The following CARD10 variants were observed in gnomAD, a reference collection of about 807,000 sequenced individuals.
CARD10 encodes caspase recruitment domain family member 10.
Under a neutral mutation model 114.6 loss-of-function variants are expected in CARD10, and 49 were observed. That is an observed-to-expected ratio of 0.43 (90% confidence interval 0.34 to 0.54). The LOEUF (loss-of-function observed/expected upper bound fraction) is 0.54, where lower values mean the gene tolerates loss of function less well. Ranked by LOEUF, CARD10 falls within the 20% of genes least tolerant of loss-of-function variation. The probability of loss-of-function intolerance (pLI) is 0.03; values close to 1 mark genes in which losing one functional copy is unlikely to be tolerated. For missense variants in CARD10, 1,206 were observed against 1,397.2 expected (o/e 0.86, Z 2.18); for synonymous variants, 602 against 593.2 (o/e 1.01, Z -0.21).
At position 37,497,066 on chromosome 22, in the gene CARD10, G is replaced by C; in HGVS notation, c.1900C>G (p.Arg634Gly). 1 of 1,614,068 alleles carries C rather than the reference G, an allele frequency of 6.2e-7. No homozygotes were observed. Among genetic ancestry groups the C allele is most frequent in the Middle Eastern group, 1.7e-4 (1 of 6,058 alleles). Residue 634 changes from arginine (R) to glycine (G), a missense_variant, in exon 12 of 20, where the codon CGC (arginine) becomes GGC (glycine). Around this residue, in one of 2 missense-constraint regions of CARD10, gnomAD observed 1,068 missense variants for 1,179.1 expected, o/e 0.91. Coordinates refer to ENST00000251973, the MANE Select transcript of CARD10 (RefSeq NM_014550.4). Reference sequence around the variant, plus strand: ...GACCCAGGCCCAGACAGCACCCTGCGCACCACAGCCCCAGACCATCTGTCC... The same window carrying C: ...GACCCAGGCCCAGACAGCACCCTGCCCACCACAGCCCCAGACCATCTGTCC... ...YGDRWSGAVV[R>G]RVLSGPGSAR...
Position 37,494,262 on chromosome 22 carries a change from C to T in CARD10, c.2374-74G>A, listed in dbSNP as rs1027628414. 26 of 1,042,862 alleles carry T rather than the reference C, an allele frequency of 2.5e-5. No homozygotes were observed. In the African/African-American group the frequency reaches 4.2e-4, roughly 17 times the overall value. The allele number at this position is 1,042,862 out of a possible 1,614,324, so 64.6% of individuals were successfully genotyped here. On this transcript the variant is annotated intron_variant, in intron 15 of 19. Transcript: ENST00000251973. ...CCTCAGGGAGAGGAGGAAACGGGAC[C>T]CCTGGCACAGCGGGCCCCACTGCCA...
rs774971239 is a variant in CARD10 at position 37,519,145 on chromosome 22, C to T, written c.56G>A (p.Gly19Glu). 2 of 1,546,780 alleles carry T rather than the reference C, an allele frequency of 1.3e-6. No homozygotes were observed. Among genetic ancestry groups the T allele is most frequent in the South Asian group, 1.2e-5 (1 of 84,936 alleles). ...EAEEEAGAGS[G>E]SEAEEDALWE... The stretch of plus-strand genomic sequence containing the variant: ...CAGCGCGTCCTCCTCCGCCTCAGAC[C>T]CCGAGCCGGCCCCGGCCTCCTCCTC... The change falls in exon 1 of 20, where the codon GGG becomes GAG. Residue 19 changes from glycine to glutamate, a missense_variant. Physicochemically the swap from Gly to Glu is moderately conservative, Grantham distance 98 (BLOSUM62 -2). Coordinates refer to ENST00000251973, the MANE Select transcript of CARD10 (RefSeq NM_014550.4). This position sits in a 1 kb window ranked among gnomAD's most constrained non-coding sequence, Gnocchi z 4.1.
Position 37,491,440 on chromosome 22 carries a change from G to A in CARD10, c.2865-47C>T, listed in dbSNP as rs190927413. The A allele has an allele frequency of 1.2e-5, 16 of 1,335,464 alleles. No homozygotes were observed. In the Admixed American group the frequency reaches 3.8e-4, roughly 31 times the overall value. 82.7% of individuals were successfully genotyped at this position (1,335,464 alleles called of 1,614,324 possible). On this transcript the variant is annotated intron_variant, in intron 19 of 19. Transcript: ENST00000251973. ...GCGGTCAAAGTGGGGGACCAAGACAGACAGAGAGACAGGGAGAGAGGGACA... is the reference window on the plus strand; with the variant it reads ...GCGGTCAAAGTGGGGGACCAAGACAAACAGAGAGACAGGGAGAGAGGGACA...
rs769584445 is a variant in CARD10, at chr22:37,491,806, T to C, written c.2813A>G (p.Tyr938Cys). Residue 938 changes from tyrosine (Y) to cysteine (C), a missense_variant, in exon 19 of 20, where the codon TAC becomes TGC. By Grantham distance (194) the Tyr-to-Cys change is radical. Coordinates refer to ENST00000251973, the MANE Select transcript of CARD10 (RefSeq NM_014550.4). ...GVRELVQNEI[Y>C]PIVIHVEVTE... ...CACCTCCACGTGGATGACGATGGGG[T>C]AGATCTCGTTCTGCACCAGCTCCCG... The C allele has an allele frequency of 5.9e-6, 8 of 1,366,032 alleles. No individual in the cohort carries two copies. The Admixed American group carries it at 1.2e-4, about 21-fold the overall frequency. 84.6% of individuals were successfully genotyped at this position (1,366,032 alleles called of 1,614,324 possible).
At chr22:37,503,316 C>T in intron 9 of CARD10, 103 bp from the exon 10 acceptor site, 1 of 1,203,888 alleles carries the variant, frequency 8.3e-7, no homozygotes, top group Non-Finnish European at 1.1e-6. Flanking sequence ...TCTCACAGCC[C>T]CCAAGCAAAT....
rs1402819026 is a variant in CARD10, at chr22:37,519,091, C to G, written c.110G>C (p.Arg37Pro). The change falls in exon 1 of 20, where the codon CGG becomes CCG. Residue 37 changes from arginine to proline, a missense_variant. Physicochemically the swap from Arg to Pro is moderately radical, Grantham distance 103 (BLOSUM62 -2). This residue lies in a region of CARD10 where 138 missense variants were observed against 218.0 expected (regional missense o/e 0.63). Coordinates refer to ENST00000251973, the MANE Select transcript of CARD10 (RefSeq NM_014550.4). This position sits in a 1 kb window ranked among gnomAD's most constrained non-coding sequence, Gnocchi z 4.1. ...LWERIEGVRH[R>P]LARALNPAKL... ...GGCCGGGTTCAGGGCGCGAGCCAGC[C>G]GATGCCGGACGCCCTCGATTCGCTC... The G allele has an allele frequency of 6.3e-7, 1 of 1,591,282 alleles. No homozygotes were observed. Among genetic ancestry groups the G allele is most frequent in the Non-Finnish European group, 8.5e-7 (1 of 1,175,910 alleles).
At position 37,496,042 on chromosome 22, in the gene CARD10, G is replaced by A; in HGVS notation, c.2060-39C>T. 6.2e-7 allele frequency: 1 copy of A among 1,606,612 alleles called. No individual in the cohort carries two copies. The highest frequency in any genetic ancestry group is 1.1e-5 in the South Asian group (1 of 90,768). On this transcript the variant is annotated intron_variant, in intron 13 of 19. Transcript: ENST00000251973. The surrounding 1 kb of genome is among the most constrained non-coding windows in gnomAD (Gnocchi z 4.1). ...GGGCAGGGGGCAGCAAGGAGGACAA[G>A]AGGAGGATGGTGAGGTCCAGGATCG...
chr22:37,501,452 G>T lies in CARD10; in HGVS notation c.1787+1150C>A, dbSNP rs923266019. On this transcript the variant is annotated intron_variant, in intron 11 of 19. Coordinates refer to ENST00000251973, the MANE Select transcript of CARD10 (RefSeq NM_014550.4). This position sits in a 1 kb window ranked among gnomAD's most constrained non-coding sequence, Gnocchi z 5.4. ...CCTGCACAGGCAAAAACAATGTCTC[G>T]CTGAGCCCACTGCCGGGGGCCAGGT... Among the ~76,000 whole-genome samples, 1 of 152,102 alleles carries T rather than the reference G, an allele frequency of 6.6e-6. No individual in the cohort carries two copies. The highest frequency in any genetic ancestry group is 6.5e-5 in the Admixed American group (1 of 15,276).
intron 2 of CARD10, among the ~76,000 whole-genome samples, chr22:37,516,734 T>C (rs576535937): frequency 6.6e-6 from 1 of 152,340 alleles, no homozygotes; most frequent in African/African-American, 2.4e-5. Flanking sequence ...ATAATTACAG[T>C]AGCTACTAAT....
intron 2 of CARD10, 82 bp downstream of exon 2, chr22:37,517,889 G>T: frequency 6.6e-7 from 1 of 1,524,036 alleles, no homozygotes; most frequent in East Asian, 2.3e-5. Flanking sequence ...AGGCATAGTG[G>T]GAGCGCCTCC....
chr22:37,504,655 C>A lies in CARD10; in HGVS notation c.1498G>T (p.Gly500Ter). The change falls in exon 8 of 20, where the codon GGA (glycine) becomes TGA (stop). Residue 500 changes from glycine to a stop codon, truncating the protein, a stop_gained. Transcript: ENST00000251973. LOFTEE classifies it high-confidence loss of function. The stretch of plus-strand genomic sequence containing the variant: ...CTTACCGAGTTGTGAGGCTCAGGTC[C>A]CCCCATGACAGCTGCCTCCCCAGTT... Reference protein sequence around the residue: ...EATGEAAVMGGPEPHNSEEAT... With the variant: ...EATGEAAVMG 1.3e-6 allele frequency: 2 copies of A among 1,517,464 alleles called. No homozygotes were observed. The highest frequency in any genetic ancestry group is 1.8e-6 in the Non-Finnish European group (2 of 1,135,422). The allele number at this position is 1,517,464 out of a possible 1,614,324, so 94.0% of individuals were successfully genotyped here.
rs1358267026 is a variant in CARD10, at chr22:37,516,235, G to C, written c.437C>G (p.Ala146Gly). The change falls in exon 3 of 20, where the codon GCT becomes GGT. Residue 146 changes from alanine to glycine, a missense_variant. Coordinates refer to ENST00000251973, the MANE Select transcript of CARD10 (RefSeq NM_014550.4). ...CTCCCGCTGCAGCTGGCTCTTGCGAGCTTCCCGCAGCCGTCGCACCTCTGT... is the reference window on the plus strand; with the variant it reads ...CTCCCGCTGCAGCTGGCTCTTGCGACCTTCCCGCAGCCGTCGCACCTCTGT... ...LMTEVRRLRE[A>G]RKSQLQREQQ... 1 of 1,604,502 alleles carries C rather than the reference G, an allele frequency of 6.2e-7. No individual in the cohort carries two copies. Among genetic ancestry groups the C allele is most frequent in the African/African-American group, 1.3e-5 (1 of 74,830 alleles).
chr22:37,505,475 G>A (rs182811248), intron 7 of CARD10, among the ~76,000 whole-genome samples: 191 of 151,964 alleles, frequency 1.3e-3, no homozygotes, highest in African/African-American at 4.5e-3. Context: ...TTTGAAACCA[G>A]CCTGGCCAAC....
chr22:37,496,366 T>C lies in CARD10; in HGVS notation c.2059+83A>G. The C allele has an allele frequency of 2.0e-6, 2 of 998,718 alleles. No homozygotes were observed. The allele number at this position is 998,718 out of a possible 1,614,324, so 61.9% of individuals were successfully genotyped here. A position where few individuals can be genotyped will look rare whatever the true frequency, so the allele number is the denominator to read the frequency against. On this transcript the variant is annotated intron_variant, in intron 13 of 19. Transcript: ENST00000251973. The surrounding 1 kb of genome is among the most constrained non-coding windows in gnomAD (Gnocchi z 4.1). ...GGGGCAAGGCTGGTCCCTTCTCAGG[T>C]CCTTGGTCCCTCCCCACCCCATGCA...
At chr22:37,511,233 T>G (rs1923629375) in intron 3 of CARD10, among the ~76,000 whole-genome samples, 1 of 151,148 alleles carries the variant, frequency 6.6e-6, no homozygotes, top group South Asian at 2.1e-4. Flanking sequence ...GGTGCGCGCC[T>G]ATTATCCCAG....
chr22:37,517,312 T>C (rs1320584496), intron 2 of CARD10, among the ~76,000 whole-genome samples: 1 of 152,140 alleles, frequency 6.6e-6, no homozygotes, highest in Non-Finnish European at 1.5e-5. Context: ...CGTAGGCGTG[T>C]GTGCGTGTGT....
At chr22:37,500,362 C>A (rs1923168384) in intron 11 of CARD10, among the ~76,000 whole-genome samples, 1 of 152,160 alleles carries the variant, frequency 6.6e-6, no homozygotes, top group African/African-American at 2.4e-5. Context: ...GGGGAGACGG[C>A]ACCCCGAAAC....
intron 3 of CARD10, among the ~76,000 whole-genome samples, chr22:37,515,563 C>CAAA (rs754752709): frequency 1.1e-4 from 8 of 73,650 alleles, no homozygotes; most frequent in Non-Finnish European, 1.2e-4. Flanking sequence ...GACTCCATCT[C>CAAA]AAAAAAAAAA....
At chr22:37,495,365 T>C (rs1922959573) in intron 15 of CARD10, 152 bp downstream of exon 15, 1 of 645,902 alleles carries the variant, frequency 1.5e-6, no homozygotes, top group Non-Finnish European at 2.7e-6. Context: ...TCTGCTGTTC[T>C]GTTTGCTGGG....
Sources: allele counts gnomAD v4.1 joint callset (sites outside exome capture counted in the v4.1 genomes callset), GRCh38; gene constraint gnomAD v4.1.1; regional missense constraint gnomAD v4.1.1; non-coding constraint Gnocchi (gnomAD v3.1); transcripts MANE v1.5; gene names NCBI Gene and HGNC (gene_info 2026-07-23, HGNC 2026-07-21).